ARRB2: variants seen among roughly 807,000 people sequenced by gnomAD.
The protein encoded by ARRB2 is arrestin beta 2, also known as beta-arrestin-2.
A neutral mutation model predicts 53.4 loss-of-function variants in ARRB2; 21 were observed. That is an observed-to-expected ratio of 0.39 (90% CI 0.28 to 0.57). ARRB2 has a LOEUF of 0.57. Ranked by LOEUF, ARRB2 falls within the 20% of genes least tolerant of loss-of-function variation. The pLI, the probability that ARRB2 is intolerant of heterozygous loss-of-function variation, is 0.55. For synonymous variants in ARRB2, 180 were observed against 212.9 expected, an observed-to-expected ratio of 0.85 and a Z score of 1.34; for missense variants, 369 against 527.5, an observed-to-expected ratio of 0.70 and a Z score of 2.94.
Position 4,716,420 on chromosome 17 carries a change from A to G in ARRB2, c.169A>G (p.Thr57Ala), listed in dbSNP as rs1442079129. 2 of 1,613,636 alleles carry G rather than the reference A, an allele frequency of 1.2e-6. No individual in the cohort carries two copies. Among genetic ancestry groups the G allele is most frequent in the South Asian group, 1.1e-5 (1 of 91,060 alleles). The change falls in exon 5 of 15, where the codon ACC (threonine) becomes GCC (alanine). Residue 57 changes from threonine (T) to alanine (A), a missense_variant. Physicochemically the swap from Thr to Ala is moderately conservative, Grantham distance 58. Coordinates refer to ENST00000269260, the MANE Select transcript of ARRB2 (RefSeq NM_004313.4). ...TCACCCTCCCTTGCCAGTGTTTGTG[A>G]CCCTCACCTGCGCCTTCCGCTATGG... Reference protein sequence around the residue: ...DYLKDRKVFVTLTCAFRYGRE... With the variant: ...DYLKDRKVFVALTCAFRYGRE...
At chr17:4,720,005 G>C (rs183524434) in intron 11 of ARRB2, among the ~76,000 whole-genome samples, 1 of 152,324 alleles carries the variant, frequency 6.6e-6, no homozygotes, top group African/African-American at 2.4e-5. Context: ...TGTTAGCGGA[G>C]AAGGACGTCA....
At chr17:4,719,551 G>C (rs1597487503) in intron 11 of ARRB2, 131 bp downstream of exon 11, 1 of 1,325,844 alleles carries the variant, frequency 7.5e-7, no homozygotes, top group East Asian at 2.5e-5. Flanking sequence ...CTAGGGGAGG[G>C]AGGATAGCCA....
chr17:4,719,483 A>G, intron 11 of ARRB2, 63 bp downstream of exon 11: 1 of 1,579,240 alleles, frequency 6.3e-7, no homozygotes, highest in South Asian at 1.2e-5. Context: ...TCAGTGCTCT[A>G]TCCTAGTGTG....
chr17:4,719,260 T>C (rs1179763940), intron 10 of ARRB2, 23 bp from the exon 11 acceptor site: 2 of 1,603,222 alleles, frequency 1.2e-6, no homozygotes, highest in Admixed American at 3.4e-5. Context: ...CTAAGCATCT[T>C]GTTCTCTTGT....
chr17:4,710,782 C>A, intron 1 of ARRB2, 38 bp downstream of exon 1: 1 of 336,818 alleles, frequency 3.0e-6, no homozygotes, highest in Non-Finnish European at 5.3e-6. Flanking sequence ...GCATGGGCGG[C>A]GGCTCGGGGC....
At chr17:4,715,215 G>T (rs1389186332) in intron 2 of ARRB2, 172 bp downstream of exon 2, 2 of 791,560 alleles carry the variant, frequency 2.5e-6, no homozygotes, top group Admixed American at 6.0e-5. Context: ...TGCCGCAGAG[G>T]CTGCTCAGCC....
intron 8 of ARRB2, 59 bp downstream of exon 8, chr17:4,718,082 C>G (rs1041459962): frequency 6.2e-7 from 1 of 1,603,984 alleles, no homozygotes; most frequent in African/African-American, 1.3e-5. Flanking sequence ...GGGGGAGGGG[C>G]GAAGCCACAC....
At chr17:4,712,302 C>T (rs1451228897) in intron 1 of ARRB2, among the ~76,000 whole-genome samples, 2 of 152,256 alleles carry the variant, frequency 1.3e-5, no homozygotes, top group African/African-American at 4.8e-5. Context: ...GCCCTCCATA[C>T]CCTTTGCCTT....
At chr17:4,720,125 T>C (rs1597488583) in intron 11 of ARRB2, 91 bp from the exon 12 acceptor site, 2 of 1,362,012 alleles carry the variant, frequency 1.5e-6, no homozygotes, top group African/African-American at 1.5e-5. Flanking sequence ...TGCGAGTTTG[T>C]GGTCCTGCCC....
Position 4,720,300 on chromosome 17 carries a change from G to T in ARRB2, c.1001+1G>T. Reference sequence around the variant, plus strand: ...TGAAGCTGGTGGTGTCTCGAGGCGGGTGAGTGTCATGGGGGAGCCTGGGTG... The same window carrying T: ...TGAAGCTGGTGGTGTCTCGAGGCGGTTGAGTGTCATGGGGGAGCCTGGGTG... On this transcript the variant is annotated splice_donor_variant, in intron 12 of 14. Coordinates refer to ENST00000269260, the MANE Select transcript of ARRB2 (RefSeq NM_004313.4). LOFTEE classifies it high-confidence loss of function. 2 of 1,614,000 alleles carry T rather than the reference G, an allele frequency of 1.2e-6. No individual in the cohort carries two copies. The highest frequency in any genetic ancestry group is 1.7e-6 in the Non-Finnish European group (2 of 1,179,964).
Position 4,719,197 on chromosome 17 carries a change from G to A in ARRB2, c.780-86G>A. ...GCCCAAAGAAACAAGGGACTAGTGAGGGGGAGATGCTGCTTGGGGGTCATA... is the reference window on the plus strand; with the variant it reads ...GCCCAAAGAAACAAGGGACTAGTGAAGGGGAGATGCTGCTTGGGGGTCATA... On this transcript the variant is annotated intron_variant, in intron 10 of 14. Coordinates refer to ENST00000269260, the MANE Select transcript of ARRB2 (RefSeq NM_004313.4). The A allele has an allele frequency of 3.3e-6, 5 of 1,497,232 alleles. No homozygotes were observed. The South Asian group carries it at 3.8e-5, about 12-fold the overall frequency. 92.7% of individuals were successfully genotyped at this position (1,497,232 alleles called of 1,614,324 possible).
At chr17:4,715,703 A>ACC in intron 2 of ARRB2, 1 of 422,246 alleles carries the variant, frequency 2.4e-6, no homozygotes, top group Non-Finnish European at 4.0e-6. Context: ...GGACACACAC[A>ACC]CACACACACA....
At chr17:4,715,694 GACACACACACACAC>G (rs150787978) in intron 2 of ARRB2, 21 of 443,568 alleles carry the variant, frequency 4.7e-5, no homozygotes, top group African/African-American at 1.3e-4. Flanking sequence ...GTTGGCTGAG[GACACACACACACAC>G]ACACACACAC....
chr17:4,716,292 G>A, intron 4 of ARRB2, 101 bp downstream of exon 4: 1 of 1,607,304 alleles, frequency 6.2e-7, no homozygotes, highest in Non-Finnish European at 8.5e-7. Context: ...GGCTGGAGGT[G>A]GAAGCCAGGA....
Position 4,721,153 on chromosome 17 carries a change from A to C in ARRB2, c.*114A>C. The stretch of plus-strand genomic sequence containing the variant: ...CCCCTCTTCCCTTCCCCTCACCTGG[A>C]AGCTTCTTCAACCAATCCCTTCACA... On this transcript the variant is annotated 3_prime_UTR_variant, in exon 15 of 15. Transcript: ENST00000269260. This position sits in a 1 kb window ranked among gnomAD's most constrained non-coding sequence, Gnocchi z 4.2. The C allele has an allele frequency of 9.2e-7, 1 of 1,088,028 alleles. No homozygotes were observed. The highest frequency in any genetic ancestry group is 1.3e-6 in the Non-Finnish European group (1 of 740,748). The allele number at this position is 1,088,028 out of a possible 1,614,324, so 67.4% of individuals were successfully genotyped here.
intron 2 of ARRB2, chr17:4,715,753 G>T: frequency 1.7e-6 from 1 of 583,700 alleles, no homozygotes; most frequent in Non-Finnish European, 3.1e-6. Flanking sequence ...CTGGTGGGCA[G>T]AGGTGTGCAG....
At position 4,716,003 on chromosome 17, in the gene ARRB2, G is replaced by A. The variant is rs377694460; in HGVS notation, c.85G>A (p.Val29Ile). 79 of 1,614,042 alleles carry A rather than the reference G, an allele frequency of 4.9e-5. No individual in the cohort carries two copies. The highest frequency in any genetic ancestry group is 6.7e-5 in the African/African-American group (5 of 74,912). The part of the protein sequence containing the change: ...LTVYLGKRDF[V>I]DHLDKVDPVD... ...CGTGTACTTGGGCAAGCGGGACTTCGTAGATCACCTGGACAAAGTGGACCC... is the reference window on the plus strand; with the variant it reads ...CGTGTACTTGGGCAAGCGGGACTTCATAGATCACCTGGACAAAGTGGACCC... Residue 29 changes from valine to isoleucine, a missense_variant, in exon 3 of 15, where the codon GTA (valine) becomes ATA (isoleucine). Coordinates refer to ENST00000269260, the MANE Select transcript of ARRB2 (RefSeq NM_004313.4).
intron 1 of ARRB2, among the ~76,000 whole-genome samples, chr17:4,713,970 CAG>C (rs1567679836): frequency 6.6e-6 from 1 of 152,136 alleles, no homozygotes; most frequent in African/African-American, 2.4e-5. Context: ...TCTCAAAAAA[CAG>C]AGTATTACAA....
chr17:4,718,804 G>A (rs1225617718), intron 10 of ARRB2, 120 bp downstream of exon 10: 36 of 1,045,096 alleles, frequency 3.4e-5, no homozygotes, highest in Non-Finnish European at 4.9e-5. Flanking sequence ...TTTTGAGATG[G>A]AGTTTTTGCT....
Sources: gnomAD v4.1 joint callset for allele counts (sites outside exome capture counted in the v4.1 genomes callset) on GRCh38, gnomAD v4.1.1 for gene constraint, Gnocchi (gnomAD v3.1) non-coding constraint, MANE v1.5 for transcripts, NCBI Gene and HGNC (gene_info 2026-07-23, HGNC 2026-07-21) for gene names.